The following ALDH1A3 variants were observed in gnomAD, a reference collection of about 807,000 sequenced individuals.
ALDH1A3 encodes the protein retinaldehyde dehydrogenase 3.
ALDH1A3 carries 28 observed loss-of-function variants against 57.5 expected under a neutral mutation model. The observed-to-expected ratio is 0.49, with a 90% CI of 0.36 to 0.67. The LOEUF is 0.67. ALDH1A3 is among the 30% of genes least tolerant of loss of function. ALDH1A3 has a pLI of 0.00. For missense variants in ALDH1A3, 507 were observed against 669.4 expected (o/e 0.76, Z 2.68); for synonymous variants, 281 against 264.8 (o/e 1.06, Z -0.59).
intron 7 of ALDH1A3, among the ~76,000 whole-genome samples, chr15:100,897,121 C>G (rs2041712472): frequency 6.6e-6 from 1 of 152,218 alleles, no homozygotes; most frequent in African/African-American, 2.4e-5. Context: ...TTAGTTAGTC[C>G]AAGCCCTGGT....
chr15:100,884,095 C>T (rs753049602), intron 1 of ALDH1A3, among the ~76,000 whole-genome samples: 1 of 152,174 alleles, frequency 6.6e-6, no homozygotes, highest in South Asian at 2.1e-4. Context: ...ATTTCTGCCA[C>T]GGGGGTTCTT....
At position 100,900,555 on chromosome 15, in the gene ALDH1A3, C is replaced by G; in HGVS notation, c.884-20C>G. ...CGCTTCCTCTCGCTCTGCCCGCCTC[C>G]CTCGCCCCTCCCCCTCCAGTGGACT... On this transcript the variant is annotated intron_variant, in intron 8 of 12. Coordinates refer to ENST00000329841, the MANE Select transcript of ALDH1A3 (RefSeq NM_000693.4). The G allele has an allele frequency of 6.4e-7, 1 of 1,561,968 alleles. No homozygotes were observed.
At position 100,896,051 on chromosome 15, in the gene ALDH1A3, C is replaced by A. The variant is rs1460049301; in HGVS notation, c.780+5C>A. ...GCCTTCACCGGCTCCACAGAGGTAA[C>A]CCTCCTCACAGGGTGCTGGGGAAAG... is the stretch of plus-strand genomic sequence containing the variant. On this transcript the variant is annotated splice_donor_5th_base_variant and intron_variant, in intron 7 of 12. Coordinates refer to ENST00000329841, the MANE Select transcript of ALDH1A3 (RefSeq NM_000693.4). The A allele has an allele frequency of 6.2e-7, 1 of 1,603,260 alleles. No homozygotes were observed. Among genetic ancestry groups the A allele is most frequent in the Admixed American group, 1.7e-5 (1 of 58,950 alleles).
rs1268300045 is a variant in ALDH1A3 at position 100,885,320 on chromosome 15, A to G, written c.153A>G (p.Thr51=). Residue 51 remains threonine, a synonymous_variant, in exon 2 of 13, where the codon ACA becomes ACG. Transcript: ENST00000329841. ...CCAAGAGTGGGAAAAAGTTTGCTACATGTAACCCTTCAACTCGGGAGCAAA... is the reference window on the plus strand; with the variant it reads ...CCAAGAGTGGGAAAAAGTTTGCTACGTGTAACCCTTCAACTCGGGAGCAAA... ...HESKSGKKFA[T]CNPSTREQIC... 2 of 1,614,110 alleles carry G rather than the reference A, an allele frequency of 1.2e-6. No individual in the cohort carries two copies. The highest frequency in any genetic ancestry group is 1.7e-6 in the Non-Finnish European group (2 of 1,179,900).
intron 7 of ALDH1A3, among the ~76,000 whole-genome samples, chr15:100,896,271 A>C (rs750461268): frequency 1.5e-4 from 23 of 152,264 alleles, no homozygotes; most frequent in Non-Finnish European, 3.1e-4. Context: ...AGATAAGATA[A>C]AGTAGAAATG....
At position 100,900,795 on chromosome 15, in the gene ALDH1A3, GT is replaced by G. The variant is rs2141563859; in HGVS notation, c.1068+37del. 2.5e-6 allele frequency: 4 copies of G among 1,602,244 alleles called. No homozygotes were observed. The South Asian group carries it at 4.5e-5, about 18-fold the overall frequency. On this transcript the variant is annotated intron_variant, in intron 9 of 12. Coordinates refer to ENST00000329841, the MANE Select transcript of ALDH1A3 (RefSeq NM_000693.4). ...TGGTGTGTGTGAAACCATGGTGCTT[GT>G]CTAGGGGCTGAAGCAGGCAGTCCCA...
intron 3 of ALDH1A3, chr15:100,892,080 CT>C: frequency 5.7e-6 from 1 of 176,108 alleles, no homozygotes; most frequent in South Asian, 1.4e-4. Context: ...GCAGCTCCCA[CT>C]GCAGCCACCC....
intron 9 of ALDH1A3, 133 bp downstream of exon 9, chr15:100,900,892 C>A: frequency 1.0e-6 from 1 of 985,930 alleles, no homozygotes; most frequent in Non-Finnish European, 1.5e-6. Context: ...GCTTTCTTTT[C>A]TTTAGAAACT....
chr15:100,913,027 G>A lies in ALDH1A3; in HGVS notation c.1467-1674G>A, dbSNP rs1325239540. Among the ~76,000 whole-genome samples, 50 of 96,130 alleles carry A rather than the reference G, an allele frequency of 5.2e-4. 17 individuals carry two copies. Among genetic ancestry groups the A allele is most frequent in the Non-Finnish European group, 1.0e-3 (45 of 45,034 alleles). 63.1% of individuals were successfully genotyped at this position (96,130 alleles called of 152,430 possible). A position where few individuals can be genotyped will look rare whatever the true frequency, so the allele number is the denominator to read the frequency against. On this transcript the variant is annotated intron_variant, in intron 12 of 12. Transcript: ENST00000329841. ...CAAAAAATTAGCCGGGCGTGGCAGC[G>A]GGCGCCTGTAGTCCCAGCTACTCGG...
rs767109721 is a variant in ALDH1A3 at position 100,898,146 on chromosome 15, G to C, written c.844G>C (p.Gly282Arg). The change falls in exon 8 of 13, where the codon GGG becomes CGG. Residue 282 changes from glycine to arginine, a missense_variant. Gly to Arg is a moderately radical substitution (Grantham distance 125). Around this residue, in one of 2 missense-constraint regions of ALDH1A3, gnomAD observed 432 missense variants for 608.4 expected, o/e 0.71. Transcript: ENST00000329841. ...TCTGAAGCGGGTGACGCTGGAGCTG[G>C]GGGGGAAGAACCCCTGCATCGTGTG... is the stretch of plus-strand genomic sequence containing the variant. Reference protein sequence around the residue: ...SNLKRVTLELGGKNPCIVCAD... With the variant: ...SNLKRVTLELRGKNPCIVCAD... 6.8e-6 allele frequency: 11 copies of C among 1,614,064 alleles called. No homozygotes were observed. Among genetic ancestry groups the C allele is most frequent in the East Asian group, 4.5e-5 (2 of 44,900 alleles).
At chr15:100,895,408 C>T (rs976899132) in intron 6 of ALDH1A3, 6 of 152,826 alleles carry the variant, frequency 3.9e-5, no homozygotes, top group Non-Finnish European at 8.7e-5. Context: ...CAAGATCGCG[C>T]CACTACACTC....
intron 9 of ALDH1A3, among the ~76,000 whole-genome samples, chr15:100,902,103 G>A (rs1288723496): frequency 2.0e-5 from 3 of 152,148 alleles, no homozygotes; most frequent in Non-Finnish European, 2.9e-5. Context: ...CACAATCAGT[G>A]GGAAATATGT....
At chr15:100,897,691 G>GT (rs1253745955) in intron 7 of ALDH1A3, among the ~76,000 whole-genome samples, 4 of 152,258 alleles carry the variant, frequency 2.6e-5, no homozygotes, top group Non-Finnish European at 5.9e-5. Flanking sequence ...GCTGTTTCTA[G>GT]TGAGAGGTAG....
chr15:100,908,421 A>G lies in ALDH1A3; in HGVS notation c.1405A>G (p.Asn469Asp). 6.2e-7 allele frequency: 1 copy of G among 1,613,974 alleles called. No homozygotes were observed. The highest frequency in any genetic ancestry group is 8.5e-7 in the Non-Finnish European group (1 of 1,179,832). ...ATTCTTTTCTAGGATCAACTGCTAC[A>G]ACGCCCTCTATGCACAGGCTCCATT... ...ESGTVWINCY[N>D]ALYAQAPFGG... The change falls in exon 12 of 13, where the codon AAC becomes GAC. Residue 469 changes from asparagine to aspartate, a missense_variant. Asn to Asp is a conservative substitution (Grantham distance 23). Around this residue, in one of 2 missense-constraint regions of ALDH1A3, gnomAD observed 432 missense variants for 608.4 expected, o/e 0.71. Coordinates refer to ENST00000329841, the MANE Select transcript of ALDH1A3 (RefSeq NM_000693.4).
chr15:100,897,621 C>T (rs532921036), intron 7 of ALDH1A3, among the ~76,000 whole-genome samples: 9 of 152,380 alleles, frequency 5.9e-5, no homozygotes, highest in African/African-American at 1.9e-4. Flanking sequence ...TTGGAGGTTC[C>T]CTCAGATCAC....
intron 12 of ALDH1A3, among the ~76,000 whole-genome samples, chr15:100,911,239 CG>C (rs1343124780): frequency 1.3e-5 from 2 of 152,188 alleles, no homozygotes; most frequent in African/African-American, 4.8e-5. Context: ...GAGCATCGTG[CG>C]GGGGATTCCA....
At chr15:100,895,714 C>T (rs915738320) in intron 6 of ALDH1A3, 11 of 575,708 alleles carry the variant, frequency 1.9e-5, no homozygotes, top group African/African-American at 1.3e-4. Context: ...TGGGCATCTC[C>T]CCTTGCCCAG....
In ALDH1A3 at chr15:100,907,158, G is replaced by C; in HGVS notation, c.1271G>C (p.Ser424Thr). The C allele has an allele frequency of 6.2e-7, 1 of 1,614,120 alleles. No individual in the cohort carries two copies. Among genetic ancestry groups the C allele is most frequent in the Non-Finnish European group, 8.5e-7 (1 of 1,180,024 alleles). The change falls in exon 11 of 13, where the codon AGT (serine) becomes ACT (threonine). Residue 424 changes from serine (S) to threonine (T), a missense_variant. By Grantham distance (58) the Ser-to-Thr change is moderately conservative. Transcript: ENST00000329841. ...GPVQPILKFK[S>T]IEEVIKRANS... is the part of the protein sequence containing the mutation. The stretch of plus-strand genomic sequence containing the variant: ...GTGCAACCAATACTGAAGTTCAAAA[G>C]TATCGAAGAAGTGATAAAAAGAGCG...
In ALDH1A3 at chr15:100,915,732, A is replaced by G. The variant is rs979114186; in HGVS notation, c.*959A>G. 1.3e-5 allele frequency: 2 copies of G among 152,256 alleles called. No individual in the cohort carries two copies. The highest frequency in any genetic ancestry group is 2.1e-4 in the South Asian group (1 of 4,836). The allele number at this position is 152,256 out of a possible 1,614,324, so 9.4% of individuals were successfully genotyped here. A position where few individuals can be genotyped will look rare whatever the true frequency, so the allele number is the denominator to read the frequency against. The stretch of plus-strand genomic sequence containing the variant: ...CCAGTTCTGTTACCCAATTTAGATT[A>G]GTAAAGCGTACACAACTGGAAAGAC... On this transcript the variant is annotated 3_prime_UTR_variant, in exon 13 of 13. Coordinates refer to ENST00000329841, the MANE Select transcript of ALDH1A3 (RefSeq NM_000693.4).
Sources: gnomAD v4.1 joint callset for allele counts (sites outside exome capture counted in the v4.1 genomes callset) on GRCh38, gnomAD v4.1.1 for gene constraint, gnomAD v4.1.1 regional missense constraint, MANE v1.5 for transcripts, NCBI Gene and HGNC (gene_info 2026-07-23, HGNC 2026-07-21) for gene names.